The following ALKBH8 variants were observed in gnomAD, a reference collection of about 807,000 sequenced individuals.
ALKBH8 encodes alkB homolog 8, tRNA methyltransferase, also known as tRNA (carboxymethyluridine(34)-5-O)-methyltransferase ALKBH8.
In ALKBH8, 36 loss-of-function variants were observed where a neutral mutation model predicts 59.8. The observed-to-expected ratio is 0.60, with a 90% confidence interval of 0.46 to 0.79. ALKBH8 has a LOEUF of 0.79. ALKBH8 is among the 30% of genes least tolerant of loss of function. The probability of loss-of-function intolerance (pLI) is 0.00; values close to 1 mark genes in which losing one functional copy is unlikely to be tolerated. For synonymous variants in ALKBH8, 276 were observed against 273.6 expected (o/e 1.01, Z -0.09); for missense variants, 768 against 801.0 (o/e 0.96, Z 0.50).
intron 8 of ALKBH8, among the ~76,000 whole-genome samples, chr11:107,527,425 G>A (rs180970421): frequency 7.4e-4 from 112 of 151,984 alleles, no homozygotes; most frequent in African/African-American, 2.6e-3. Context: ...AAAGAGAAAC[G>A]TCGACCTAAG....
intron 11 of ALKBH8, among the ~76,000 whole-genome samples, chr11:107,507,395 T>G (rs373486995): frequency 6.6e-6 from 1 of 152,096 alleles, no homozygotes; most frequent in African/African-American, 2.4e-5. Flanking sequence ...AGTGAATTAA[T>G]AGGAGGAAAC....
chr11:107,518,699 C>T (rs1320194297), intron 10 of ALKBH8, among the ~76,000 whole-genome samples: 1 of 152,266 alleles, frequency 6.6e-6, no homozygotes, highest in Admixed American at 6.5e-5. Flanking sequence ...CTTCGTTTCC[C>T]GTAAGGGATA....
chr11:107,518,862 TCAC>T (rs1862985309), intron 10 of ALKBH8, among the ~76,000 whole-genome samples: 1 of 152,184 alleles, frequency 6.6e-6, no homozygotes, highest in Non-Finnish European at 1.5e-5. Flanking sequence ...ATTTCCCACT[TCAC>T]ACCTCTATAT....
chr11:107,510,878 C>T lies in ALKBH8; in HGVS notation c.1437+9G>A. ...ACAAGTTCTTAAGAGAAAGAAAGAC[C>T]ATACTTACTGCTGTTGCAAAATGAT... On this transcript the variant is annotated intron_variant, in intron 11 of 11. Transcript: ENST00000428149. 1.3e-6 allele frequency: 2 copies of T among 1,550,224 alleles called. No homozygotes were observed. The highest frequency in any genetic ancestry group is 4.9e-5 in the East Asian group (2 of 40,898).
chr11:107,511,326 A>G (rs1168494289), intron 10 of ALKBH8, among the ~76,000 whole-genome samples: 1 of 152,186 alleles, frequency 6.6e-6, no homozygotes, highest in African/African-American at 2.4e-5. Context: ...TATACAGCTA[A>G]TTGATGACCA....
chr11:107,520,727 A>T (rs1331787380), intron 10 of ALKBH8, among the ~76,000 whole-genome samples: 1 of 152,184 alleles, frequency 6.6e-6, no homozygotes, highest in Non-Finnish European at 1.5e-5. Context: ...AATTGTAAAC[A>T]TGGTAACAAT....
intron 10 of ALKBH8, 49 bp downstream of exon 10, chr11:107,522,250 T>C (rs1591267338): frequency 1.9e-6 from 3 of 1,539,048 alleles, no homozygotes; most frequent in Middle Eastern, 1.8e-4. Flanking sequence ...AAGATGATGA[T>C]AACCACTGCA....
intron 2 of ALKBH8, 122 bp from the exon 3 acceptor site, chr11:107,557,125 T>A: frequency 2.8e-6 from 2 of 721,692 alleles, no homozygotes; most frequent in Non-Finnish European, 4.0e-6. Flanking sequence ...CATTTCCTTG[T>A]AGTGGTTGTT....
At chr11:107,543,563 T>A (rs1356184505) in intron 7 of ALKBH8, among the ~76,000 whole-genome samples, 9 of 152,230 alleles carry the variant, frequency 5.9e-5, no homozygotes. Context: ...AATATGTCCA[T>A]GCACTTCTAT....
chr11:107,547,230 C>T (rs1257285936), intron 7 of ALKBH8, among the ~76,000 whole-genome samples: 1 of 152,074 alleles, frequency 6.6e-6, no homozygotes, highest in African/African-American at 2.4e-5. Context: ...AGAAATAGGG[C>T]CAAAGGTATA....
intron 8 of ALKBH8, among the ~76,000 whole-genome samples, chr11:107,531,936 C>T (rs1354742856): frequency 6.6e-6 from 1 of 152,138 alleles, no homozygotes; most frequent in Non-Finnish European, 1.5e-5. Flanking sequence ...TTAGGAAATA[C>T]ACAATGAAGC....
chr11:107,519,401 A>G (rs1409510244), intron 10 of ALKBH8, among the ~76,000 whole-genome samples: 4 of 152,322 alleles, frequency 2.6e-5, no homozygotes, highest in Admixed American at 1.3e-4. Flanking sequence ...CACTGTGCCC[A>G]GCCTATTATT....
At chr11:107,560,219 T>TA (rs1397203427) in intron 2 of ALKBH8, among the ~76,000 whole-genome samples, 4 of 152,200 alleles carry the variant, frequency 2.6e-5, no homozygotes, top group African/African-American at 4.8e-5. Flanking sequence ...TCATCTCATT[T>TA]AATTATTGTC....
At chr11:107,551,117 G>A (rs957250455) in intron 6 of ALKBH8, among the ~76,000 whole-genome samples, 3 of 152,130 alleles carry the variant, frequency 2.0e-5, no homozygotes, top group African/African-American at 4.8e-5. Flanking sequence ...ATAGAAAGAA[G>A]AGAAAGATCA....
At chr11:107,565,355 A>C in intron 1 of ALKBH8, 1 of 583,864 alleles carries the variant, frequency 1.7e-6, no homozygotes, top group Non-Finnish European at 3.0e-6. Context: ...AGAAAACAGA[A>C]GATTGACACA....
rs1356354693 is a variant in ALKBH8, at chr11:107,565,698, C to T, written c.-104G>A. On this transcript the variant is annotated 5_prime_UTR_variant, in exon 1 of 12. In the 5' UTR this introduces an upstream ATG that the reference lacks. Transcript: ENST00000428149. ...CAGAACACCGCAGCGGATACTTGCA[C>T]GCCATCTCCCCTGGGCGCGGCCATG... is the stretch of plus-strand genomic sequence containing the variant. The T allele has an allele frequency of 6.5e-7, 1 of 1,532,774 alleles. No homozygotes were observed. The highest frequency in any genetic ancestry group is 2.4e-5 in the East Asian group (1 of 40,898). 94.9% of individuals were successfully genotyped at this position (1,532,774 alleles called of 1,614,324 possible).
intron 6 of ALKBH8, 48 bp downstream of exon 6, chr11:107,551,760 C>G (rs975988979): frequency 1.0e-6 from 1 of 998,158 alleles, no homozygotes; most frequent in Non-Finnish European, 1.4e-6. Flanking sequence ...ATATCATCTA[C>G]TCAGTTCCAA....
chr11:107,504,840 CT>C lies in ALKBH8; in HGVS notation c.1812del (p.Gly605AlafsTer10). 6.4e-7 allele frequency: 1 copy of C among 1,551,752 alleles called. No homozygotes were observed. The highest frequency in any genetic ancestry group is 2.4e-5 in the East Asian group (1 of 40,928). On this transcript the variant is annotated frameshift_variant, in exon 12 of 12. Transcript: ENST00000428149. LOFTEE classifies it low-confidence loss of function (END_TRUNC). ...GGACCAAATGGCTCAACAGGTTTGCCTTTATCAGGATTTCCCTTAAGGTGCC... is the reference window on the plus strand; with the variant it reads ...GGACCAAATGGCTCAACAGGTTTGCCTTATCAGGATTTCCCTTAAGGTGCC... ...VPWHLKGNPDKGKPVEPFGPI... is the reference protein window; with the variant it reads ...VPWHLKGNPDXGKPVEPFGPI...
intron 9 of ALKBH8, among the ~76,000 whole-genome samples, chr11:107,523,688 C>T (rs969421061): frequency 4.0e-5 from 6 of 150,654 alleles, no homozygotes; most frequent in Non-Finnish European, 7.4e-5. Flanking sequence ...CTGCAACCTC[C>T]GCCTCCTGGG....
Sources: gnomAD v4.1 joint callset for allele counts (sites outside exome capture counted in the v4.1 genomes callset) on GRCh38, gnomAD v4.1.1 for gene constraint, MANE v1.5 for transcripts, NCBI Gene and HGNC (gene_info 2026-07-23, HGNC 2026-07-21) for gene names.